TASP1: variants seen among roughly 807,000 people sequenced by gnomAD.
The protein encoded by TASP1 is taspase 1.
A neutral mutation model predicts 56.6 loss-of-function variants in TASP1; 16 were observed. That is an observed-to-expected ratio of 0.28 (90% CI 0.19 to 0.43). TASP1 has a LOEUF of 0.43. Among genes scored for constraint, TASP1 ranks in the 20% least tolerant of loss-of-function variants. The pLI is 1.00. For synonymous variants in TASP1, 179 were observed against 184.2 expected, an observed-to-expected ratio of 0.97 and a Z score of 0.23; for missense variants, 393 against 511.6, an observed-to-expected ratio of 0.77 and a Z score of 2.24.
At chr20:13,182,469 C>A in the TASP1 span, among the ~76,000 whole-genome samples, 1 of 152,094 alleles carries the variant, frequency 6.6e-6, no homozygotes, top group African/African-American at 2.4e-5. Flanking sequence ...GAGGGGTAAC[C>A]AGCCACTGTC....
chr20:13,498,331 T>TTGTGTGTGTGTG (rs60099056), intron 10 of TASP1, among the ~76,000 whole-genome samples: 75 of 135,114 alleles, frequency 5.6e-4, no homozygotes, highest in African/African-American at 7.4e-4. Flanking sequence ...TTCTTTTCTT[T>TTGTGTGTGTGTG]TGTGTGTGTG....
At chr20:13,221,749 G>A in the TASP1 span, 3 of 1,373,252 alleles carry the variant, frequency 2.2e-6, no homozygotes, top group Non-Finnish European at 2.8e-6. Context: ...CCGCCGCGCC[G>A]GGTCCTAAAG....
intron 7 of TASP1, among the ~76,000 whole-genome samples, chr20:13,565,488 T>A (rs2046495824): frequency 6.6e-6 from 1 of 152,174 alleles, no homozygotes; most frequent in African/African-American, 2.4e-5. Flanking sequence ...GAAGAATTCC[T>A]ATATCTCAAC....
At chr20:13,426,190 T>A (rs1294288549) in intron 12 of TASP1, among the ~76,000 whole-genome samples, 1 of 152,192 alleles carries the variant, frequency 6.6e-6, no homozygotes, top group Non-Finnish European at 1.5e-5. Flanking sequence ...GCCACTTGGT[T>A]GGGACTTGGA....
the TASP1 span, among the ~76,000 whole-genome samples, chr20:13,112,221 T>A: frequency 6.6e-6 from 1 of 152,230 alleles, no homozygotes; most frequent in Non-Finnish European, 1.5e-5. Context: ...TTCATTCAGC[T>A]GACACTTTGT....
the TASP1 span, among the ~76,000 whole-genome samples, chr20:13,148,880 C>T: frequency 6.6e-6 from 1 of 152,186 alleles, no homozygotes; most frequent in African/African-American, 2.4e-5. Context: ...AATGGCAATT[C>T]CCCTTTCAAC....
the TASP1 span, among the ~76,000 whole-genome samples, chr20:13,105,518 C>A: frequency 6.6e-6 from 1 of 152,174 alleles, no homozygotes; most frequent in African/African-American, 2.4e-5. Context: ...AGAAAAGCTT[C>A]TCTTTAGGAC....
chr20:13,159,005 T>G, the TASP1 span, among the ~76,000 whole-genome samples: 2 of 152,224 alleles, frequency 1.3e-5, no homozygotes, highest in African/African-American at 2.4e-5. Context: ...ATGGGTAAAG[T>G]CACTCAGTAG....
At chr20:13,162,129 T>C in the TASP1 span, among the ~76,000 whole-genome samples, 2 of 152,150 alleles carry the variant, frequency 1.3e-5, no homozygotes, top group Admixed American at 6.5e-5. Flanking sequence ...AGTCTGACTG[T>C]AGAAAGAAAA....
At chr20:13,633,799 G>C (rs1208104775) in intron 1 of TASP1, among the ~76,000 whole-genome samples, 1 of 151,494 alleles carries the variant, frequency 6.6e-6, no homozygotes, top group Non-Finnish European at 1.5e-5. Flanking sequence ...TCCAATGAAA[G>C]GAGAAACATA....
the TASP1 span, among the ~76,000 whole-genome samples, chr20:13,312,213 G>A: frequency 2.0e-5 from 3 of 152,166 alleles, no homozygotes; most frequent in Non-Finnish European, 4.4e-5. Flanking sequence ...AACTAAAAGG[G>A]AAAATGCAAT....
intron 5 of TASP1, among the ~76,000 whole-genome samples, chr20:13,581,530 G>C (rs1403553837): frequency 6.6e-6 from 1 of 152,192 alleles, no homozygotes; most frequent in Non-Finnish European, 1.5e-5. Flanking sequence ...ATTGGGTAAG[G>C]GTGGGAGAAG....
intron 7 of TASP1, among the ~76,000 whole-genome samples, chr20:13,561,273 C>A (rs983427846): frequency 2.6e-5 from 4 of 152,086 alleles, no homozygotes; most frequent in African/African-American, 4.8e-5. Flanking sequence ...AAATAATGAT[C>A]TCTGATAAAG....
intron 13 of TASP1, among the ~76,000 whole-genome samples, chr20:13,397,970 A>G (rs960924230): frequency 2.0e-5 from 3 of 152,164 alleles, no homozygotes; most frequent in Non-Finnish European, 2.9e-5. Context: ...TGGCCTCAAC[A>G]TCCTGATGAT....
At chr20:13,457,810 G>T (rs2146330134) in intron 11 of TASP1, among the ~76,000 whole-genome samples, 1 of 152,174 alleles carries the variant, frequency 6.6e-6, no homozygotes, top group South Asian at 2.1e-4. Flanking sequence ...AGTAAACACT[G>T]AATTATCACA....
At chr20:13,186,504 C>G in the TASP1 span, among the ~76,000 whole-genome samples, 1 of 152,180 alleles carries the variant, frequency 6.6e-6, no homozygotes, top group African/African-American at 2.4e-5. Context: ...AGCTACATTA[C>G]CAGTAGAACA....
the TASP1 span, among the ~76,000 whole-genome samples, chr20:13,343,101 CT>C: frequency 2.0e-5 from 3 of 152,306 alleles, no homozygotes; most frequent in Non-Finnish European, 4.4e-5. Flanking sequence ...GAAAATGTCC[CT>C]TCAACGGCCT....
chr20:13,404,850 A>G (rs908373046), intron 13 of TASP1, among the ~76,000 whole-genome samples: 4 of 152,106 alleles, frequency 2.6e-5, no homozygotes, highest in Non-Finnish European at 5.9e-5. Context: ...TTTTTTCTGA[A>G]TCTCTGTTCA....
chr20:13,537,846 T>C (rs1234246117), intron 8 of TASP1, among the ~76,000 whole-genome samples: 2 of 152,150 alleles, frequency 1.3e-5, no homozygotes, highest in South Asian at 2.1e-4. Context: ...AAATTAGAGA[T>C]GGTTATTATA....
Sources: allele counts gnomAD v4.1 joint callset (sites outside exome capture counted in the v4.1 genomes callset), GRCh38; gene constraint gnomAD v4.1.1; transcripts MANE v1.5; gene names NCBI Gene and HGNC (gene_info 2026-07-23, HGNC 2026-07-21).